GPD2: variants seen among roughly 807,000 people sequenced by gnomAD.
GPD2 encodes the protein glycerol-3-phosphate dehydrogenase 2.
GPD2 carries 54 observed loss-of-function variants against 82.4 expected under a neutral mutation model. That is an observed-to-expected ratio of 0.66 (90% CI 0.53 to 0.82). The LOEUF (loss-of-function observed/expected upper bound fraction) is 0.82. GPD2 is among the 40% of genes least tolerant of loss of function. GPD2 has a pLI of 0.00. For missense variants in GPD2, 748 were observed against 896.2 expected, an observed-to-expected ratio of 0.83 and a Z score of 2.11; for synonymous variants, 288 against 306.1, an observed-to-expected ratio of 0.94 and a Z score of 0.62.
In GPD2 at chr2:156,530,674, A is replaced by C. The variant is rs138221694; in HGVS notation, c.661+17178A>C. 6.6e-3 allele frequency among the ~76,000 whole-genome samples: 1,004 copies of C among 152,192 alleles called. 13 individuals carry two copies. Among genetic ancestry groups the C allele is most frequent in the African/African-American group, 0.023 (960 of 41,528 alleles). On this transcript the variant is annotated intron_variant, in intron 6 of 16. Transcript: ENST00000438166. ...GAATTTTGTCAAAGGCCTTTTCTGC[A>C]TCTATTGAGATAATCATGTGGTTTT...
At chr2:156,413,749 A>G in the GPD2 span, among the ~76,000 whole-genome samples, 4 of 150,880 alleles carry the variant, frequency 2.7e-5, no homozygotes, top group African/African-American at 4.9e-5. Context: ...TACTACAAAT[A>G]CAAAATTAGC....
At chr2:156,400,396 G>T in the GPD2 span, among the ~76,000 whole-genome samples, 38 of 152,340 alleles carry the variant, frequency 2.5e-4, no homozygotes, top group African/African-American at 8.9e-4. Context: ...ACACACCACG[G>T]CCTCCTGGAT....
chr2:156,464,078 A>C (rs1355016491), intron 1 of GPD2, among the ~76,000 whole-genome samples: 1 of 152,244 alleles, frequency 6.6e-6, no homozygotes, highest in African/African-American at 2.4e-5. Context: ...AATGACTGAG[A>C]TAGAAATACA....
upstream of GPD2, among the ~76,000 whole-genome samples, chr2:156,434,292 T>C (rs749638371): frequency 6.6e-6 from 1 of 151,954 alleles, no homozygotes; most frequent in African/African-American, 2.4e-5. Context: ...TTAGTAGAGA[T>C]AGGGTTTCAC....
chr2:156,478,138 A>G (rs1037809904), intron 2 of GPD2, among the ~76,000 whole-genome samples: 5 of 152,200 alleles, frequency 3.3e-5, no homozygotes, highest in South Asian at 2.1e-4. Context: ...CTTAAAGAAT[A>G]GAATAAACAG....
intron 6 of GPD2, among the ~76,000 whole-genome samples, chr2:156,523,681 GATA>G: frequency 6.9e-6 from 1 of 145,250 alleles, no homozygotes. Flanking sequence ...TAGATAGATA[GATA>G]GATAGATAGA....
chr2:156,504,987 T>C (rs1684732123), intron 3 of GPD2, among the ~76,000 whole-genome samples: 2 of 152,152 alleles, frequency 1.3e-5, no homozygotes, highest in African/African-American at 4.8e-5. Context: ...GCATTTATTA[T>C]ATTGAGCATG....
chr2:156,537,369 A>C (rs1686122654), intron 6 of GPD2, among the ~76,000 whole-genome samples: 1 of 152,194 alleles, frequency 6.6e-6, no homozygotes, highest in Admixed American at 6.5e-5. Context: ...ACTGGCGAGC[A>C]TTTCCAGGAA....
At chr2:156,506,065 C>G (rs896995410) in intron 3 of GPD2, among the ~76,000 whole-genome samples, 23 of 152,166 alleles carry the variant, frequency 1.5e-4, no homozygotes, top group Non-Finnish European at 4.4e-5. Context: ...GCTATGACTT[C>G]TAATAATGTC....
At chr2:156,505,764 A>G (rs943662095) in intron 3 of GPD2, among the ~76,000 whole-genome samples, 11 of 152,328 alleles carry the variant, frequency 7.2e-5, no homozygotes, top group South Asian at 2.1e-4. Flanking sequence ...ACCTAAGAAC[A>G]CAAAATGCTA....
At chr2:156,549,362 C>T (rs1032721781) in intron 6 of GPD2, among the ~76,000 whole-genome samples, 1 of 152,146 alleles carries the variant, frequency 6.6e-6, no homozygotes. Context: ...TTGATGTCAG[C>T]TCTGTAGGAA....
intron 13 of GPD2, among the ~76,000 whole-genome samples, chr2:156,578,180 C>T (rs1687893221): frequency 6.6e-6 from 1 of 152,198 alleles, no homozygotes; most frequent in South Asian, 2.1e-4. Context: ...ACACTGAGGA[C>T]ATTGAAAACA....
intron 9 of GPD2, among the ~76,000 whole-genome samples, chr2:156,567,642 A>T (rs768704728): frequency 1.3e-5 from 2 of 152,124 alleles, no homozygotes; most frequent in African/African-American, 2.4e-5. Flanking sequence ...CCAGTAGTCT[A>T]TATCATCAGG....
intron 2 of GPD2, among the ~76,000 whole-genome samples, chr2:156,485,731 G>T (rs1683914601): frequency 6.6e-6 from 1 of 152,162 alleles, no homozygotes; most frequent in African/African-American, 2.4e-5. Context: ...ATTCTAGTGG[G>T]TCTGCCATGC....
chr2:156,520,544 TA>T (rs1173301166), intron 6 of GPD2, among the ~76,000 whole-genome samples: 1 of 148,512 alleles, frequency 6.7e-6, no homozygotes, highest in Non-Finnish European at 1.5e-5. Flanking sequence ...TATTTATTTT[TA>T]AAATTATTTT....
At chr2:156,527,744 A>G (rs559039721) in intron 6 of GPD2, among the ~76,000 whole-genome samples, 2 of 152,288 alleles carry the variant, frequency 1.3e-5, no homozygotes, top group South Asian at 4.1e-4. Flanking sequence ...TTTTATGTCA[A>G]AGATGATTAA....
chr2:156,505,228 C>T (rs1439938231), intron 3 of GPD2, among the ~76,000 whole-genome samples: 2 of 151,990 alleles, frequency 1.3e-5, no homozygotes, highest in African/African-American at 2.4e-5. Context: ...ATAACTCTTG[C>T]CCCACCTAGA....
the GPD2 span, among the ~76,000 whole-genome samples, chr2:156,412,097 G>A: frequency 6.6e-6 from 1 of 152,222 alleles, no homozygotes; most frequent in East Asian, 1.9e-4. Flanking sequence ...AAAAATATCT[G>A]CAGACAACTG....
At position 156,496,077 on chromosome 2, in the gene GPD2, A is replaced by G. The variant is rs1438669498; in HGVS notation, c.136A>G (p.Ile46Val). 6.2e-7 allele frequency: 1 copy of G among 1,613,448 alleles called. No homozygotes were observed. The highest frequency in any genetic ancestry group is 2.2e-5 in the East Asian group (1 of 44,870). The change falls in exon 3 of 17, where the codon ATT (isoleucine) becomes GTT (valine). Residue 46 changes from isoleucine to valine, a missense_variant. This residue lies in a region of GPD2 where 692 missense variants were observed against 809.7 expected (regional missense o/e 0.85). Coordinates refer to ENST00000438166, the MANE Select transcript of GPD2 (RefSeq NM_000408.5). ...NLAYVKAADCISEPVNREPPS... is the reference protein window; with the variant it reads ...NLAYVKAADCVSEPVNREPPS... The stretch of plus-strand genomic sequence containing the variant: ...GGCCTATGTTAAAGCAGCAGACTGC[A>G]TTTCAGAACCAGTTAACAGGGAGCC...
Sources: allele counts gnomAD v4.1 joint callset (sites outside exome capture counted in the v4.1 genomes callset), GRCh38; gene constraint gnomAD v4.1.1; regional missense constraint gnomAD v4.1.1; transcripts MANE v1.5; gene names NCBI Gene and HGNC (gene_info 2026-07-23, HGNC 2026-07-21).